RIT2: variants seen among roughly 807,000 people sequenced by gnomAD.
RIT2 encodes the protein GTP-binding protein Rit2.
In RIT2, 24 loss-of-function variants were observed where a neutral mutation model predicts 23.7. The ratio of observed to expected loss-of-function variants is 1.01; its 90% CI spans 0.73 to 1.43. The LOEUF is 1.43. RIT2 is among the 40% of genes most tolerant of loss of function. RIT2 has a pLI of 0.00. For synonymous variants in RIT2, 107 were observed against 91.1 expected (o/e 1.17, Z -0.99); for missense variants, 236 against 266.9 (o/e 0.88, Z 0.81).
chr18:42,948,218 G>A (rs1269687113), intron 3 of RIT2, among the ~76,000 whole-genome samples: 1 of 152,114 alleles, frequency 6.6e-6, no homozygotes, highest in African/African-American at 2.4e-5. Context: ...AAAACAAGAA[G>A]TGAAAATAAT....
intron 4 of RIT2, among the ~76,000 whole-genome samples, chr18:42,892,159 T>A (rs9944823): frequency 0.25 from 37,448 of 152,088 alleles, 6,056 homozygotes; most frequent in East Asian, 0.67. Context: ...CCTCCTCCAA[T>A]CTACGTTATA....
At chr18:42,916,399 G>A (rs994904272) in intron 4 of RIT2, among the ~76,000 whole-genome samples, 10 of 152,156 alleles carry the variant, frequency 6.6e-5, no homozygotes, top group Admixed American at 4.6e-4. Flanking sequence ...AAAAAGGCAG[G>A]AATTTCTTCA....
chr18:43,073,175 C>T (rs1206926930), intron 1 of RIT2, among the ~76,000 whole-genome samples: 2 of 152,162 alleles, frequency 1.3e-5, no homozygotes, highest in Admixed American at 6.5e-5. Flanking sequence ...ATGCTCCCAT[C>T]CCCCAACTTC....
intron 4 of RIT2, among the ~76,000 whole-genome samples, chr18:42,819,262 A>C (rs1478026256): frequency 6.6e-6 from 1 of 152,118 alleles, no homozygotes; most frequent in Admixed American, 6.6e-5. Flanking sequence ...AAAACAATGT[A>C]AATGCCACAG....
intron 2 of RIT2, among the ~76,000 whole-genome samples, chr18:43,033,421 A>C (rs1436660282): frequency 6.6e-6 from 1 of 152,172 alleles, no homozygotes; most frequent in African/African-American, 2.4e-5. Context: ...ATAACTCTGC[A>C]GTAGAAAATT....
At chr18:42,862,151 G>A (rs575359014) in intron 4 of RIT2, among the ~76,000 whole-genome samples, 1 of 152,116 alleles carries the variant, frequency 6.6e-6, no homozygotes, top group African/African-American at 2.4e-5. Context: ...ACTAAGGGAG[G>A]GACCTGGTGA....
At chr18:43,032,729 T>C (rs779907247) in intron 2 of RIT2, among the ~76,000 whole-genome samples, 2 of 152,090 alleles carry the variant, frequency 1.3e-5, no homozygotes, top group Admixed American at 1.3e-4. Flanking sequence ...CTTCAACTGA[T>C]GAGGTGGTCT....
At chr18:42,884,194 C>T (rs1044831932) in intron 4 of RIT2, among the ~76,000 whole-genome samples, 2 of 152,184 alleles carry the variant, frequency 1.3e-5, no homozygotes, top group Admixed American at 1.3e-4. Flanking sequence ...GCAGTCTCTC[C>T]CAGGAGCTGA....
intron 4 of RIT2, among the ~76,000 whole-genome samples, chr18:42,829,817 A>G (rs1426937024): frequency 6.6e-6 from 1 of 152,210 alleles, no homozygotes; most frequent in Non-Finnish European, 1.5e-5. Context: ...ACAAAACATC[A>G]TATAAAAGAT....
At chr18:42,941,611 T>C (rs1909601785) in intron 3 of RIT2, among the ~76,000 whole-genome samples, 1 of 152,134 alleles carries the variant, frequency 6.6e-6, no homozygotes, top group Non-Finnish European at 1.5e-5. Context: ...TATTAAGCAG[T>C]GTTGTTGTGG....
intron 4 of RIT2, among the ~76,000 whole-genome samples, chr18:42,757,495 A>G (rs1398898246): frequency 3.3e-5 from 5 of 152,214 alleles, no homozygotes; most frequent in Non-Finnish European, 7.3e-5. Context: ...AAGGCTTGCC[A>G]TGAAAAGAAG....
intron 4 of RIT2, among the ~76,000 whole-genome samples, chr18:42,817,636 T>C (rs540800835): frequency 6.6e-6 from 1 of 152,092 alleles, no homozygotes; most frequent in South Asian, 2.1e-4. Context: ...TAAATGGAGA[T>C]TGAGAATTGG....
intron 3 of RIT2, among the ~76,000 whole-genome samples, chr18:42,962,503 A>G (rs1410509959): frequency 6.6e-6 from 1 of 152,178 alleles, no homozygotes; most frequent in Non-Finnish European, 1.5e-5. Context: ...TAATAAGCTG[A>G]AAGATCCTAC....
chr18:43,046,739 A>G (rs1912256894), intron 1 of RIT2, among the ~76,000 whole-genome samples: 2 of 152,326 alleles, frequency 1.3e-5, no homozygotes, highest in South Asian at 4.1e-4. Context: ...TTGTCTGTAT[A>G]AAACCAGCTT....
chr18:42,814,996 TC>T (rs1427012291), intron 4 of RIT2, among the ~76,000 whole-genome samples: 1 of 152,024 alleles, frequency 6.6e-6, no homozygotes, highest in Non-Finnish European at 1.5e-5. Context: ...CAGGGGAACA[TC>T]CCGTGGGAAA....
chr18:43,042,596 C>A (rs1912154137), intron 1 of RIT2, among the ~76,000 whole-genome samples: 1 of 152,204 alleles, frequency 6.6e-6, no homozygotes, highest in Non-Finnish European at 1.5e-5. Flanking sequence ...GAATTTAAAT[C>A]AAAACCCATT....
chr18:42,884,198 G>C (rs1267636708), intron 4 of RIT2, among the ~76,000 whole-genome samples: 1 of 152,198 alleles, frequency 6.6e-6, no homozygotes, highest in Non-Finnish European at 1.5e-5. Flanking sequence ...TCTCTCCCAG[G>C]AGCTGACAAC....
chr18:42,868,130 GTGCATATTTTTCCACACA>G (rs796507799), intron 4 of RIT2, among the ~76,000 whole-genome samples: 9 of 152,226 alleles, frequency 5.9e-5, no homozygotes, highest in South Asian at 2.1e-4. Context: ...TTTTCCACAC[GTGCATATTTTTCCACACA>G]TGCATATTTT....
chr18:42,875,047 G>A (rs1907709718), intron 4 of RIT2, among the ~76,000 whole-genome samples: 1 of 152,014 alleles, frequency 6.6e-6, no homozygotes, highest in South Asian at 2.1e-4. Context: ...GCATGTCATG[G>A]TGACTGGCAC....
Sources: gnomAD v4.1 joint callset for allele counts (sites outside exome capture counted in the v4.1 genomes callset) on GRCh38, gnomAD v4.1.1 for gene constraint, MANE v1.5 for transcripts, NCBI Gene and HGNC (gene_info 2026-07-23, HGNC 2026-07-21) for gene names.